Variants in YWHAQ observed in about 807,000 individuals in gnomAD.
YWHAQ encodes the protein 14-3-3 protein theta.
In YWHAQ, 6 loss-of-function variants were observed where a neutral mutation model predicts 28.3. That is an observed-to-expected ratio of 0.21 (90% CI 0.12 to 0.42). YWHAQ has a LOEUF of 0.42. YWHAQ is among the 10% of genes least tolerant of loss of function. YWHAQ has a pLI of 1.00. For missense variants in YWHAQ, 201 were observed against 305.6 expected (o/e 0.66, Z 2.55); for synonymous variants, 143 against 119.1 (o/e 1.20, Z -1.31).
At position 9,630,072 on chromosome 2, in the gene YWHAQ, G is replaced by A. The variant is rs1573010717; in HGVS notation, c.294+87C>T. 7 of 1,526,932 alleles carry A rather than the reference G, an allele frequency of 4.6e-6. No individual in the cohort carries two copies. In the South Asian group the frequency reaches 7.5e-5, roughly 16 times the overall value. 94.6% of individuals were successfully genotyped at this position (1,526,932 alleles called of 1,614,324 possible). A position where few individuals can be genotyped will look rare whatever the true frequency, so the allele number is the denominator to read the frequency against. ...CCCAGCAGACAGTCCGGCAAGCCCC[G>A]GCTCACGTTTGTTTCCGTGCCCGCG... is the stretch of plus-strand genomic sequence containing the variant. On this transcript the variant is annotated intron_variant, in intron 2 of 5. Transcript: ENST00000238081. This position sits in a 1 kb window ranked among gnomAD's most constrained non-coding sequence, Gnocchi z 5.6.
intron 4 of YWHAQ, 56 bp downstream of exon 4, chr2:9,588,108 AC>A: frequency 1.4e-6 from 2 of 1,475,760 alleles, no homozygotes; most frequent in Non-Finnish European, 1.8e-6. Context: ...AAATTAACAT[AC>A]CTGGTATCTC....
chr2:9,627,603 G>T (rs1157177843), intron 2 of YWHAQ, among the ~76,000 whole-genome samples: 3 of 152,190 alleles, frequency 2.0e-5, no homozygotes, highest in African/African-American at 7.2e-5. Context: ...GCCAAGTCAT[G>T]AGGACTGCTT....
rs186561218 is a variant in YWHAQ, at chr2:9,591,049, T to G, written c.418+343A>C. ...GTTTTAAGGCATAATAGAAAGGCCA[T>G]GTGAAATGCAGAATCACTCATAAAG... On this transcript the variant is annotated intron_variant, in intron 3 of 5. Transcript: ENST00000238081. Among the ~76,000 whole-genome samples the G allele has an allele frequency of 8.5e-4, 130 of 152,334 alleles. 1 individual carries two copies. The highest frequency in any genetic ancestry group is 2.7e-3 in the African/African-American group (111 of 41,580).
At chr2:9,606,988 G>A (rs987876943) in intron 2 of YWHAQ, among the ~76,000 whole-genome samples, 1 of 149,900 alleles carries the variant, frequency 6.7e-6, no homozygotes, top group Non-Finnish European at 1.5e-5. Context: ...GGGTTCAAGC[G>A]ATTCTCCCGC....
intron 2 of YWHAQ, among the ~76,000 whole-genome samples, chr2:9,620,465 C>A (rs906157504): frequency 1.3e-5 from 2 of 152,206 alleles, no homozygotes; most frequent in African/African-American, 4.8e-5. Flanking sequence ...CTTACTGCCT[C>A]CAAAAGCTGT....
chr2:9,597,071 G>A (rs1666586952), intron 2 of YWHAQ, among the ~76,000 whole-genome samples: 1 of 152,202 alleles, frequency 6.6e-6, no homozygotes, highest in African/African-American at 2.4e-5. Flanking sequence ...CTATAATCTT[G>A]TAGGAAATCA....
chr2:9,613,780 T>C (rs1167548849), intron 2 of YWHAQ, among the ~76,000 whole-genome samples: 1 of 152,188 alleles, frequency 6.6e-6, no homozygotes, highest in East Asian at 1.9e-4. Context: ...AGCACAGTAT[T>C]ACCTTGCCCC....
At chr2:9,592,117 A>G (rs977209398) in intron 2 of YWHAQ, among the ~76,000 whole-genome samples, 4 of 152,234 alleles carry the variant, frequency 2.6e-5, no homozygotes, top group Non-Finnish European at 5.9e-5. Context: ...TAAAACATCA[A>G]GTACGAGGGA....
Position 9,591,464 on chromosome 2 carries a change from C to T in YWHAQ, c.346G>A (p.Val116Ile). The change falls in exon 3 of 6, where the codon GTC becomes ATC. Residue 116 changes from valine to isoleucine, a missense_variant. Around this residue, in one of 2 missense-constraint regions of YWHAQ, gnomAD observed 162 missense variants for 213.9 expected, o/e 0.76. Coordinates refer to ENST00000238081, the MANE Select transcript of YWHAQ (RefSeq NM_006826.4). ...IANATNPESK[V>I]FYLKMKGDYF... ...TCACCCTTCATTTTCAGATAGAAGA[C>T]CTTACTCTCTGGATTAGTTGCATTG... 2.5e-6 allele frequency: 4 copies of T among 1,611,834 alleles called. 1 individual carries two copies. Among genetic ancestry groups the T allele is most frequent in the Non-Finnish European group, 3.4e-6 (4 of 1,178,278 alleles).
At chr2:9,594,014 A>T (rs78753055) in intron 2 of YWHAQ, among the ~76,000 whole-genome samples, 2,598 of 151,502 alleles carry the variant, frequency 0.017, 83 homozygotes, top group African/African-American at 0.059. Context: ...CGCACAAAAA[A>T]TTAGTATAAA....
intron 2 of YWHAQ, among the ~76,000 whole-genome samples, chr2:9,616,420 C>T (rs1667041669): frequency 6.8e-6 from 1 of 146,594 alleles, no homozygotes; most frequent in African/African-American, 2.5e-5. Context: ...TTTCTTAGAT[C>T]TTATACCAAA....
At chr2:9,593,018 CCA>C (rs974426245) in intron 2 of YWHAQ, among the ~76,000 whole-genome samples, 1 of 152,128 alleles carries the variant, frequency 6.6e-6, no homozygotes, top group Non-Finnish European at 1.5e-5. Flanking sequence ...GGAAAAATAA[CCA>C]CAGATACGCT....
chr2:9,600,452 A>AGG (rs1666670761), intron 2 of YWHAQ, among the ~76,000 whole-genome samples: 1 of 152,164 alleles, frequency 6.6e-6, no homozygotes, highest in Non-Finnish European at 1.5e-5. Context: ...CATGCCTATA[A>AGG]TCCCAGCACT....
chr2:9,625,093 T>G (rs1360844139), intron 2 of YWHAQ, among the ~76,000 whole-genome samples: 2 of 151,590 alleles, frequency 1.3e-5, no homozygotes, highest in Non-Finnish European at 2.9e-5. Context: ...GGGGCACATC[T>G]CTACCAAAAA....
At position 9,617,606 on chromosome 2, in the gene YWHAQ, C is replaced by T. The variant is rs985662134; in HGVS notation, c.294+12553G>A. On this transcript the variant is annotated intron_variant, in intron 2 of 5. Transcript: ENST00000238081. ...AGCTTAAGAAGGGTTAAAACGCTAA[C>T]TTTTATGTTACGTGTTATCTTACCA... Among the ~76,000 whole-genome samples the T allele has an allele frequency of 6.6e-5, 10 of 152,196 alleles. No individual in the cohort carries two copies. The East Asian group carries it at 1.7e-3, about 26-fold the overall frequency.
At chr2:9,602,549 T>C (rs1666714341) in intron 2 of YWHAQ, among the ~76,000 whole-genome samples, 2 of 150,258 alleles carry the variant, frequency 1.3e-5, no homozygotes, top group South Asian at 4.2e-4. Flanking sequence ...TAGCTAGGAG[T>C]ACAGGTGAGT....
At chr2:9,629,966 A>C (rs539034877) in intron 2 of YWHAQ, among the ~76,000 whole-genome samples, 193 bp downstream of exon 2, 2 of 152,290 alleles carry the variant, frequency 1.3e-5, no homozygotes, top group East Asian at 3.9e-4. Flanking sequence ...AAAAGGACTT[A>C]TCCTTGGAAA....
intron 2 of YWHAQ, among the ~76,000 whole-genome samples, chr2:9,596,289 T>C (rs1292147827): frequency 1.3e-5 from 2 of 151,836 alleles, no homozygotes; most frequent in Admixed American, 6.6e-5. Context: ...GAGTTAACTA[T>C]TGTATAAAAC....
intron 2 of YWHAQ, among the ~76,000 whole-genome samples, chr2:9,608,666 A>T (rs1177666338): frequency 6.6e-6 from 1 of 152,230 alleles, no homozygotes; most frequent in Non-Finnish European, 1.5e-5. Flanking sequence ...TAAAAATAAC[A>T]GGCTGGGTGC....
Sources: allele counts gnomAD v4.1 joint callset (sites outside exome capture counted in the v4.1 genomes callset), GRCh38; gene constraint gnomAD v4.1.1; regional missense constraint gnomAD v4.1.1; non-coding constraint Gnocchi (gnomAD v3.1); transcripts MANE v1.5; gene names NCBI Gene and HGNC (gene_info 2026-07-23, HGNC 2026-07-21).